TFEC: variants seen among roughly 807,000 people sequenced by gnomAD.
TFEC encodes transcription factor EC, also known as class E basic helix-loop-helix protein 34.
TFEC carries 31 observed loss-of-function variants against 41.6 expected under a neutral mutation model. The ratio of observed to expected loss-of-function variants is 0.74; its 90% CI spans 0.56 to 1.01. The LOEUF (loss-of-function observed/expected upper bound fraction) is 1.01. Among genes scored for constraint, TFEC ranks in the 50% least tolerant of loss-of-function variants. The pLI is 0.00. For synonymous variants in TFEC, 143 were observed against 140.6 expected (o/e 1.02, Z -0.12); for missense variants, 402 against 404.1 (o/e 0.99, Z 0.04).
chr7:116,040,661 C>T (rs1796015338), intron 3 of TFEC, among the ~76,000 whole-genome samples: 1 of 152,154 alleles, frequency 6.6e-6, no homozygotes, highest in African/African-American at 2.4e-5. Context: ...AGATCAATGA[C>T]ACTGAACCTG....
rs567058349 is a variant in TFEC, at chr7:115,957,841, C to T, written c.268-1048G>A. ...AAAACTCCAATTCAATTTGAGAGAA[C>T]TGATAAAATCAGACAGGAAGTAAAT... On this transcript the variant is annotated intron_variant, in intron 3 of 7. Coordinates refer to ENST00000265440, the MANE Select transcript of TFEC (RefSeq NM_012252.4). 6.6e-5 allele frequency among the ~76,000 whole-genome samples: 10 copies of T among 151,760 alleles called. No individual in the cohort carries two copies. The South Asian group carries it at 2.1e-3, about 32-fold the overall frequency.
At chr7:116,084,204 CT>C in intron 3 of TFEC, among the ~76,000 whole-genome samples, 1 of 152,016 alleles carries the variant, frequency 6.6e-6, no homozygotes, top group South Asian at 2.1e-4. Context: ...GGCATTTTTG[CT>C]TGGCCTTCCA....
chr7:116,106,410 A>G (rs1337342279), intron 3 of TFEC, among the ~76,000 whole-genome samples: 1 of 152,002 alleles, frequency 6.6e-6, no homozygotes, highest in Non-Finnish European at 1.5e-5. Context: ...TTTGAAACAG[A>G]GTTTTGCTGT....
At chr7:116,016,053 G>C (rs1452765393) in intron 1 of TFEC, among the ~76,000 whole-genome samples, 1 of 152,074 alleles carries the variant, frequency 6.6e-6, no homozygotes, top group Non-Finnish European at 1.5e-5. Flanking sequence ...GGGTAAGAGA[G>C]ACTAAAAGAA....
chr7:116,095,702 A>T (rs974904791), intron 3 of TFEC, among the ~76,000 whole-genome samples: 1 of 152,174 alleles, frequency 6.6e-6, no homozygotes, highest in Non-Finnish European at 1.5e-5. Flanking sequence ...AAGGTCAGCT[A>T]TGATCACCTC....
chr7:115,964,844 G>A lies in TFEC; in HGVS notation c.268-8051C>T, dbSNP rs1196150960. Among the ~76,000 whole-genome samples the A allele has an allele frequency of 2.6e-5, 4 of 151,536 alleles. No homozygotes were observed. In the East Asian group the frequency reaches 7.8e-4, roughly 30 times the overall value. ...AGTCTATCTCTTCATACAGAATATA[G>A]TATTAAGAGAAAACATTTGTTACAA... On this transcript the variant is annotated intron_variant, in intron 3 of 7. Transcript: ENST00000265440.
At chr7:115,992,331 G>A (rs1194460518) in intron 1 of TFEC, among the ~76,000 whole-genome samples, 1 of 152,128 alleles carries the variant, frequency 6.6e-6, no homozygotes, top group East Asian at 1.9e-4. Flanking sequence ...TCAAAAGCTA[G>A]CAGAAGGCAA....
At chr7:116,045,048 A>T (rs1796131328) in intron 3 of TFEC, among the ~76,000 whole-genome samples, 1 of 152,218 alleles carries the variant, frequency 6.6e-6, no homozygotes, top group Admixed American at 6.5e-5. Flanking sequence ...TGCTGAAAAG[A>T]TACCCGAAAA....
At chr7:115,968,345 T>C in intron 3 of TFEC, 1 of 1,436,202 alleles carries the variant, frequency 7.0e-7, no homozygotes. Context: ...ACTTTAAGAC[T>C]AATCTTGTCT....
intron 1 of TFEC, among the ~76,000 whole-genome samples, chr7:115,992,818 A>C: frequency 6.6e-6 from 1 of 152,222 alleles, no homozygotes; most frequent in South Asian, 2.1e-4. Context: ...TATTCCAATC[A>C]ATAGAAAAAG....
intron 1 of TFEC, among the ~76,000 whole-genome samples, chr7:115,992,885 G>A (rs1181614399): frequency 6.6e-6 from 1 of 152,080 alleles, no homozygotes; most frequent in Non-Finnish European, 1.5e-5. Flanking sequence ...ACCAAAGCCT[G>A]GCAGAGATAC....
At chr7:116,070,595 C>G (rs1348923760) in intron 3 of TFEC, among the ~76,000 whole-genome samples, 1 of 151,200 alleles carries the variant, frequency 6.6e-6, no homozygotes, top group Non-Finnish European at 1.5e-5. Context: ...TAAAAAGAAA[C>G]ATAATTCAAT....
rs189534414 is a variant in TFEC, at chr7:116,000,770, A to G, written c.-72-16257T>C. On this transcript the variant is annotated intron_variant, in intron 1 of 7. Transcript: ENST00000265440. ...GAAGAGAAAGATCTCTACAATGTAA[A>G]CTATAAAACATTAATGCAAGAAATT... Among the ~76,000 whole-genome samples, 488 of 152,272 alleles carry G rather than the reference A, an allele frequency of 3.2e-3. 2 individuals carry two copies. Among genetic ancestry groups the G allele is most frequent in the Non-Finnish European group, 5.6e-3 (383 of 68,004 alleles).
intron 3 of TFEC, among the ~76,000 whole-genome samples, chr7:116,109,767 C>A (rs533843184): frequency 1.3e-5 from 2 of 152,202 alleles, no homozygotes; most frequent in Non-Finnish European, 2.9e-5. Flanking sequence ...TATAAAGACA[C>A]ATGCACACGT....
At chr7:116,076,691 A>T (rs1325229069) in intron 3 of TFEC, among the ~76,000 whole-genome samples, 2 of 152,074 alleles carry the variant, frequency 1.3e-5, no homozygotes, top group Non-Finnish European at 2.9e-5. Flanking sequence ...GCTCGAAGGT[A>T]AGGCTTTCAA....
intron 1 of TFEC, among the ~76,000 whole-genome samples, chr7:116,113,452 G>C (rs1448999384): frequency 1.3e-5 from 2 of 151,942 alleles, no homozygotes; most frequent in Non-Finnish European, 2.9e-5. Flanking sequence ...CACTCCTGCT[G>C]ACAACTTGAT....
chr7:116,132,185 A>C (rs1473352070), intron 1 of TFEC, among the ~76,000 whole-genome samples: 2 of 152,234 alleles, frequency 1.3e-5, no homozygotes, highest in Non-Finnish European at 2.9e-5. Context: ...TAGTGCATAA[A>C]GTTGGCCTAT....
chr7:116,135,193 A>C (rs1177214455), intron 1 of TFEC, among the ~76,000 whole-genome samples: 1 of 152,114 alleles, frequency 6.6e-6, no homozygotes, highest in African/African-American at 2.4e-5. Context: ...ATCTCTTTAG[A>C]AGCCTGAATA....
intron 1 of TFEC, among the ~76,000 whole-genome samples, chr7:115,991,649 G>A (rs1318555088): frequency 6.6e-6 from 1 of 152,166 alleles, no homozygotes; most frequent in East Asian, 1.9e-4. Context: ...TAATGGTAAA[G>A]GGATCAATTT....
Sources: allele counts gnomAD v4.1 joint callset (sites outside exome capture counted in the v4.1 genomes callset), GRCh38; gene constraint gnomAD v4.1.1; transcripts MANE v1.5; gene names NCBI Gene and HGNC (gene_info 2026-07-23, HGNC 2026-07-21).